Variants in MUSK observed in about 807,000 individuals in gnomAD.
The protein encoded by MUSK is muscle associated receptor tyrosine kinase, also known as muscle, skeletal receptor tyrosine-protein kinase.
Under a neutral mutation model 88.7 loss-of-function variants are expected in MUSK, and 55 were observed. The ratio of observed to expected loss-of-function variants is 0.62; its 90% CI spans 0.50 to 0.78. The LOEUF (loss-of-function observed/expected upper bound fraction) is 0.78. Ranked by LOEUF, MUSK falls within the 30% of genes least tolerant of loss-of-function variation. The probability of loss-of-function intolerance (pLI) is 0.00; values close to 1 mark genes in which losing one functional copy is unlikely to be tolerated. For missense variants in MUSK, 1,015 were observed against 1,074.3 expected (o/e 0.94, Z 0.77); for synonymous variants, 387 against 391.9 (o/e 0.99, Z 0.15).
chr9:110,784,428 A>T (rs2077817617), intron 11 of MUSK, among the ~76,000 whole-genome samples: 1 of 152,092 alleles, frequency 6.6e-6, no homozygotes, highest in African/African-American at 2.4e-5. Context: ...TTGTAAACTG[A>T]CAGTAAATGT....
intron 7 of MUSK, among the ~76,000 whole-genome samples, chr9:110,751,080 G>A (rs2077241053): frequency 6.6e-6 from 1 of 152,014 alleles, no homozygotes; most frequent in African/African-American, 2.4e-5. Context: ...CCACTGAGGG[G>A]AACCTAATAA....
chr9:110,716,374 AC>A (rs1212032687), intron 5 of MUSK, among the ~76,000 whole-genome samples: 1 of 150,044 alleles, frequency 6.7e-6, no homozygotes, highest in Non-Finnish European at 1.5e-5. Flanking sequence ...TAATGCTGTC[AC>A]CAAATAAATT....
chr9:110,678,134 C>T lies in MUSK; in HGVS notation c.80-4540C>T, dbSNP rs975587063. 2.1e-4 allele frequency among the ~76,000 whole-genome samples: 32 copies of T among 151,988 alleles called. 2 individuals carry two copies. The highest frequency in any genetic ancestry group is 6.6e-5 in the Admixed American group (1 of 15,248). On this transcript the variant is annotated intron_variant, in intron 1 of 14. Transcript: ENST00000374448. ...AGCTTTTGTTTGTTTGTTTTTGAGA[C>T]AAGGTCTTTCTCTGTCACCCAGGCT...
In MUSK at chr9:110,800,761, A is replaced by T; in HGVS notation, c.2383A>T (p.Ile795Phe). 6.2e-7 allele frequency: 1 copy of T among 1,613,890 alleles called. No homozygotes were observed. Among genetic ancestry groups the T allele is most frequent in the Non-Finnish European group, 8.5e-7 (1 of 1,179,874 alleles). The stretch of plus-strand genomic sequence containing the variant: ...GGCCTATGGCGTGGTCCTCTGGGAG[A>T]TCTTCTCCTATGGCCTGCAGCCCTA... ...VWAYGVVLWE[I>F]FSYGLQPYYG... is the part of the protein sequence containing the mutation. The change falls in exon 15 of 15, where the codon ATC (isoleucine) becomes TTC (phenylalanine). Residue 795 changes from isoleucine to phenylalanine, a missense_variant. By Grantham distance (21) the Ile-to-Phe change is conservative. Transcript: ENST00000374448.
chr9:110,674,891 A>C (rs1373504614), intron 1 of MUSK, among the ~76,000 whole-genome samples: 1 of 152,100 alleles, frequency 6.6e-6, no homozygotes, highest in Middle Eastern at 3.2e-3. Context: ...GATTACAGAC[A>C]TGAGCCACCA....
intron 14 of MUSK, among the ~76,000 whole-genome samples, chr9:110,799,611 A>G (rs1351062039): frequency 6.6e-6 from 1 of 152,252 alleles, no homozygotes; most frequent in African/African-American, 2.4e-5. Context: ...GCATCCATTC[A>G]TAAATTAACT....
At chr9:110,689,182 T>TA (rs2076244796) in intron 3 of MUSK, among the ~76,000 whole-genome samples, 1 of 59,318 alleles carries the variant, frequency 1.7e-5, no homozygotes, top group South Asian at 3.6e-4. Flanking sequence ...TATATTTATA[T>TA]AAATATATCA....
chr9:110,678,819 A>G (rs2076065078), intron 1 of MUSK, among the ~76,000 whole-genome samples: 5 of 152,088 alleles, frequency 3.3e-5, no homozygotes, highest in African/African-American at 1.2e-4. Flanking sequence ...AATTAATTTT[A>G]CTAATTCTGC....
In MUSK at chr9:110,714,288, T is replaced by C. The variant is rs534187401; in HGVS notation, c.628+16822T>C. Among the ~76,000 whole-genome samples the C allele has an allele frequency of 3.6e-4, 55 of 152,260 alleles. No homozygotes were observed. In the South Asian group the frequency reaches 0.011, roughly 29 times the overall value. ...CTTGTCTGATTTACATGGTAAACATTTCTTGCTCGTACCCACTATTCACCA... is the reference window on the plus strand; with the variant it reads ...CTTGTCTGATTTACATGGTAAACATCTCTTGCTCGTACCCACTATTCACCA... On this transcript the variant is annotated intron_variant, in intron 5 of 14. Transcript: ENST00000374448.
At chr9:110,755,979 C>CATATAT (rs61338385) in intron 7 of MUSK, among the ~76,000 whole-genome samples, 3 of 102,518 alleles carry the variant, frequency 2.9e-5, no homozygotes, top group Admixed American at 2.3e-4. Flanking sequence ...TATATATATA[C>CATATAT]ATATATATAT....
At chr9:110,683,260 T>C (rs7868136) in intron 2 of MUSK, among the ~76,000 whole-genome samples, 105,751 of 151,906 alleles carry the variant, frequency 0.7, 38,154 homozygotes, top group African/African-American at 0.86. Flanking sequence ...GCTAATTTCA[T>C]TTAACATAAT....
intron 9 of MUSK, among the ~76,000 whole-genome samples, chr9:110,768,644 A>G (rs1483669088): frequency 1.3e-5 from 2 of 152,232 alleles, no homozygotes; most frequent in African/African-American, 4.8e-5. Context: ...CATTATTATC[A>G]TATCCATAAA....
At chr9:110,735,825 C>T (rs2077024327) in intron 6 of MUSK, among the ~76,000 whole-genome samples, 1 of 152,116 alleles carries the variant, frequency 6.6e-6, no homozygotes, top group African/African-American at 2.4e-5. Context: ...CTCACATGGC[C>T]AGAGCAGGAA....
intron 6 of MUSK, among the ~76,000 whole-genome samples, chr9:110,741,535 G>GA (rs375445606): frequency 1.4e-3 from 206 of 151,734 alleles, no homozygotes; most frequent in African/African-American, 4.6e-3. Context: ...TGTAAAACAG[G>GA]AAAAAAAATG....
intron 8 of MUSK, among the ~76,000 whole-genome samples, chr9:110,765,379 C>T (rs905085739): frequency 6.6e-6 from 1 of 152,158 alleles, no homozygotes; most frequent in Non-Finnish European, 1.5e-5. Flanking sequence ...TTTCTGGTTA[C>T]TCCTTATTAT....
chr9:110,676,459 G>A (rs907668224), intron 1 of MUSK, among the ~76,000 whole-genome samples: 43 of 151,438 alleles, frequency 2.8e-4, no homozygotes, highest in African/African-American at 1.0e-3. Flanking sequence ...ATAGGTAAAC[G>A]TGTGCCATGG....
Position 110,801,665 on chromosome 9 carries a change from C to A in MUSK, c.*677C>A, listed in dbSNP as rs554652589. On this transcript the variant is annotated 3_prime_UTR_variant, in exon 15 of 15. Transcript: ENST00000374448. ...TCCTGTGCCCCTCCTTTTTTCCTTTCTGTGCATTTGTCATGAATTAAGTCT... is the reference window on the plus strand; with the variant it reads ...TCCTGTGCCCCTCCTTTTTTCCTTTATGTGCATTTGTCATGAATTAAGTCT... The A allele has an allele frequency of 6.6e-6, 1 of 152,214 alleles. No homozygotes were observed. Among genetic ancestry groups the A allele is most frequent in the East Asian group, 1.9e-4 (1 of 5,184 alleles). The allele number at this position is 152,214 out of a possible 1,614,324, so 9.4% of individuals were successfully genotyped here. A position where few individuals can be genotyped will look rare whatever the true frequency, so the allele number is the denominator to read the frequency against.
At chr9:110,764,608 TAGATAGA>T (rs1432325368) in intron 8 of MUSK, among the ~76,000 whole-genome samples, 5 of 71,360 alleles carry the variant, frequency 7.0e-5, no homozygotes, top group East Asian at 1.1e-3. Flanking sequence ...ATAGATTAGA[TAGATAGA>T]TAGATAGATA....
At chr9:110,781,519 A>G (rs542536353) in intron 11 of MUSK, among the ~76,000 whole-genome samples, 203 of 152,112 alleles carry the variant, frequency 1.3e-3, no homozygotes, top group Non-Finnish European at 2.1e-3. Flanking sequence ...CTCGTGATTC[A>G]CCCGCCTTAG....
Sources: gnomAD v4.1 joint callset for allele counts (sites outside exome capture counted in the v4.1 genomes callset) on GRCh38, gnomAD v4.1.1 for gene constraint, MANE v1.5 for transcripts, NCBI Gene and HGNC (gene_info 2026-07-23, HGNC 2026-07-21) for gene names.